Variants in KLHL29 observed in about 807,000 individuals in gnomAD.
KLHL29 encodes the protein kelch like family member 29.
In KLHL29, 21 loss-of-function variants were observed where a neutral mutation model predicts 80.4. The ratio of observed to expected loss-of-function variants is 0.26; its 90% CI spans 0.19 to 0.38. KLHL29 has a LOEUF of 0.38. Among genes scored for constraint, KLHL29 ranks in the 10% least tolerant of loss-of-function variants. KLHL29 has a pLI of 1.00. For synonymous variants in KLHL29, 511 were observed against 526.8 expected, an observed-to-expected ratio of 0.97 and a Z score of 0.41; for missense variants, 867 against 1,223.9, an observed-to-expected ratio of 0.71 and a Z score of 4.35.
intron 1 of KLHL29, among the ~76,000 whole-genome samples, chr2:23,451,690 A>C (rs537318659): frequency 6.6e-6 from 1 of 152,342 alleles, no homozygotes; most frequent in East Asian, 1.9e-4. Flanking sequence ...GGACGGGCAC[A>C]TTAGTCCATT....
intron 13 of KLHL29, among the ~76,000 whole-genome samples, chr2:23,704,722 G>A (rs552034898): frequency 6.6e-6 from 1 of 152,248 alleles, no homozygotes; most frequent in African/African-American, 2.4e-5. Flanking sequence ...AGCCGAGATC[G>A]CGCCACGGCA....
intron 3 of KLHL29, among the ~76,000 whole-genome samples, chr2:23,633,034 G>T (rs1669510375): frequency 6.6e-6 from 1 of 152,224 alleles, no homozygotes; most frequent in African/African-American, 2.4e-5. Flanking sequence ...GCGCCCGTGA[G>T]CATCCCTTGC....
At chr2:23,593,668 C>T (rs1421266201) in intron 3 of KLHL29, among the ~76,000 whole-genome samples, 1 of 152,204 alleles carries the variant, frequency 6.6e-6, no homozygotes, top group Non-Finnish European at 1.5e-5. Context: ...GTCCAGGGAG[C>T]CTGCTCCCAT....
chr2:23,450,739 A>G (rs555351230), intron 1 of KLHL29, among the ~76,000 whole-genome samples: 1 of 152,360 alleles, frequency 6.6e-6, no homozygotes, highest in Admixed American at 6.5e-5. Context: ...CAACAGCTTT[A>G]TTGATAAATA....
At chr2:23,459,167 T>C (rs1016401303) in intron 1 of KLHL29, among the ~76,000 whole-genome samples, 9 of 152,042 alleles carry the variant, frequency 5.9e-5, no homozygotes, top group African/African-American at 9.7e-5. Context: ...AGATATAAGA[T>C]GGTTGGTGTG....
chr2:23,614,358 C>T (rs529707655), intron 3 of KLHL29, among the ~76,000 whole-genome samples: 1 of 152,240 alleles, frequency 6.6e-6, no homozygotes, highest in South Asian at 2.1e-4. Flanking sequence ...TAAAATGAGA[C>T]CTGTCTCAGA....
At chr2:23,552,281 C>T (rs1270502433) in intron 2 of KLHL29, among the ~76,000 whole-genome samples, 1 of 152,202 alleles carries the variant, frequency 6.6e-6, no homozygotes, top group Non-Finnish European at 1.5e-5. Flanking sequence ...TCTGGCCATG[C>T]TGGCTGTGCG....
rs1208176176 is a variant in KLHL29, at chr2:23,704,844, T to G, written c.2444+981T>G. ...GCTTCCTGAAGACATCTTGTGCCTATGTAGAGGTAACTGCAGAATCTTCAG... is the reference window on the plus strand; with the variant it reads ...GCTTCCTGAAGACATCTTGTGCCTAGGTAGAGGTAACTGCAGAATCTTCAG... On this transcript the variant is annotated intron_variant, in intron 13 of 13. Coordinates refer to ENST00000486442, the MANE Select transcript of KLHL29 (RefSeq NM_052920.2). 3.9e-5 allele frequency among the ~76,000 whole-genome samples: 6 copies of G among 152,246 alleles called. No individual in the cohort carries two copies. The East Asian group carries it at 1.2e-3, about 29-fold the overall frequency.
chr2:23,657,911 C>A (rs1572472303), intron 5 of KLHL29, among the ~76,000 whole-genome samples: 1 of 152,328 alleles, frequency 6.6e-6, no homozygotes, highest in East Asian at 1.9e-4. Context: ...CTCTCAGCTG[C>A]CTGACAGAAG....
chr2:23,448,888 G>C (rs538064161), intron 1 of KLHL29, among the ~76,000 whole-genome samples: 21 of 152,266 alleles, frequency 1.4e-4, no homozygotes, highest in African/African-American at 4.8e-4. Flanking sequence ...CTGCTTGGTA[G>C]AATCTTAAAC....
chr2:23,534,489 C>T (rs967620630), intron 2 of KLHL29, among the ~76,000 whole-genome samples: 1 of 151,828 alleles, frequency 6.6e-6, no homozygotes, highest in African/African-American at 2.4e-5. Context: ...CTATGAATGC[C>T]CCCACCTCCG....
At chr2:23,642,903 C>T (rs750965344) in intron 5 of KLHL29, 53 bp downstream of exon 5, 38 of 1,541,844 alleles carry the variant, frequency 2.5e-5, no homozygotes, top group East Asian at 2.4e-4. Flanking sequence ...CACCTCCCTG[C>T]GCGGTCACTG....
At chr2:23,602,209 C>T (rs1184143062) in intron 3 of KLHL29, among the ~76,000 whole-genome samples, 3 of 152,180 alleles carry the variant, frequency 2.0e-5, no homozygotes, top group African/African-American at 7.2e-5. Flanking sequence ...AGAGACAGCC[C>T]GTGCCCGTCG....
rs142238879 is a variant in KLHL29 at position 23,554,602 on chromosome 2, A to G, written c.-45-7550A>G. Among the ~76,000 whole-genome samples the G allele has an allele frequency of 1.6e-4, 25 of 152,304 alleles. No homozygotes were observed. The East Asian group carries it at 4.6e-3, about 28-fold the overall frequency. On this transcript the variant is annotated intron_variant, in intron 2 of 13. Coordinates refer to ENST00000486442, the MANE Select transcript of KLHL29 (RefSeq NM_052920.2). The stretch of plus-strand genomic sequence containing the variant: ...ATGTTAATATGTGTGGGCCGCCACC[A>G]GCAGCCAGAATACTGTGTGTCACCG...
At chr2:23,392,850 T>G (rs1238761685) in intron 1 of KLHL29, among the ~76,000 whole-genome samples, 1 of 152,224 alleles carries the variant, frequency 6.6e-6, no homozygotes, top group Non-Finnish European at 1.5e-5. Flanking sequence ...CTAATTAACA[T>G]TTTATGTAAA....
chr2:23,623,496 T>C (rs909514125), intron 3 of KLHL29, among the ~76,000 whole-genome samples: 1 of 152,190 alleles, frequency 6.6e-6, no homozygotes, highest in Non-Finnish European at 1.5e-5. Context: ...ATGAGTCAGA[T>C]TGGAGGCTGA....
At chr2:23,585,395 A>G (rs925622165) in intron 3 of KLHL29, among the ~76,000 whole-genome samples, 7 of 152,298 alleles carry the variant, frequency 4.6e-5, no homozygotes, top group African/African-American at 1.7e-4. Flanking sequence ...TTTAGAAGAG[A>G]GGATTATACC....
rs890050062 is a variant in KLHL29, at chr2:23,647,456, G to T, written c.940+4606G>T. Among the ~76,000 whole-genome samples the T allele has an allele frequency of 5.3e-5, 8 of 152,182 alleles. No homozygotes were observed. Among genetic ancestry groups the T allele is most frequent in the Non-Finnish European group, 1.2e-4 (8 of 68,028 alleles). On this transcript the variant is annotated intron_variant, in intron 5 of 13. Transcript: ENST00000486442. The surrounding 1 kb of genome is among the most constrained non-coding windows in gnomAD (Gnocchi z 4.9). ...AGGGTTCAGACTCAAGGCCTGCGTT[G>T]TCTGTGGCCAGCCCTTTGTCCACCT...
intron 1 of KLHL29, among the ~76,000 whole-genome samples, chr2:23,458,151 G>A (rs1664114201): frequency 6.6e-6 from 1 of 152,206 alleles, no homozygotes; most frequent in Admixed American, 6.5e-5. Context: ...GAGAGGGCCC[G>A]TTTGAGTCAC....
Sources: allele counts gnomAD v4.1 joint callset (sites outside exome capture counted in the v4.1 genomes callset), GRCh38; gene constraint gnomAD v4.1.1; non-coding constraint Gnocchi (gnomAD v3.1); transcripts MANE v1.5; gene names NCBI Gene and HGNC (gene_info 2026-07-23, HGNC 2026-07-21).